The following PLD5 variants were observed in gnomAD, a reference collection of about 807,000 sequenced individuals.
PLD5 encodes inactive phospholipase D5.
In PLD5, 36 loss-of-function variants were observed where a neutral mutation model predicts 61.1. That is an observed-to-expected ratio of 0.59 (90% confidence interval 0.45 to 0.78). The LOEUF is 0.78. Among genes scored for constraint, PLD5 ranks in the 30% least tolerant of loss-of-function variants. The pLI is 0.00. For synonymous variants in PLD5, 243 were observed against 242.8 expected (o/e 1.00, Z -0.01); for missense variants, 515 against 644.4 (o/e 0.80, Z 2.17).
chr1:242,272,252 A>C (rs1674134063), intron 3 of PLD5, among the ~76,000 whole-genome samples: 2 of 152,130 alleles, frequency 1.3e-5, no homozygotes. Context: ...CATGGCAACT[A>C]AATATATAAA....
intron 5 of PLD5, among the ~76,000 whole-genome samples, chr1:242,163,579 T>C (rs1406428009): frequency 2.0e-5 from 3 of 152,164 alleles, no homozygotes; most frequent in Admixed American, 6.5e-5. Flanking sequence ...AATCATCATG[T>C]CAGAAAATAA....
chr1:242,231,238 C>T (rs987708962), intron 4 of PLD5, among the ~76,000 whole-genome samples: 1 of 152,050 alleles, frequency 6.6e-6, no homozygotes, highest in Non-Finnish European at 1.5e-5. Context: ...CTCCCTCTTC[C>T]TCCTCCCTGT....
intron 3 of PLD5, among the ~76,000 whole-genome samples, chr1:242,279,483 TATTGGGAGAGAAA>T (rs1674596031): frequency 6.6e-6 from 1 of 152,042 alleles, no homozygotes; most frequent in African/African-American, 2.4e-5. Flanking sequence ...AAAACCACCA[TATTGGGAGAGAAA>T]AGTGGGAGTC....
chr1:242,391,263 G>A (rs1342801100), intron 1 of PLD5, among the ~76,000 whole-genome samples: 1 of 152,192 alleles, frequency 6.6e-6, no homozygotes, highest in African/African-American at 2.4e-5. Context: ...AAAAGCTATG[G>A]AGGAGGGTCT....
At chr1:242,112,327 G>GA (rs1558232989) in intron 7 of PLD5, among the ~76,000 whole-genome samples, 8 of 66,004 alleles carry the variant, frequency 1.2e-4, no homozygotes, top group African/African-American at 5.0e-4. Flanking sequence ...GTGTGTGTAT[G>GA]TATGTATATG....
intron 1 of PLD5, among the ~76,000 whole-genome samples, chr1:242,357,249 T>C (rs892342474): frequency 6.6e-6 from 1 of 151,502 alleles, no homozygotes; most frequent in African/African-American, 2.4e-5. Flanking sequence ...ACTTTGAAAA[T>C]ACTATCCCAC....
At chr1:242,272,972 A>T (rs1004675613) in intron 3 of PLD5, among the ~76,000 whole-genome samples, 22 of 152,012 alleles carry the variant, frequency 1.4e-4, no homozygotes, top group Non-Finnish European at 2.5e-4. Flanking sequence ...GGTTTGTTAC[A>T]TAGGTATACA....
At chr1:242,419,571 C>CCTTTTT (rs1558550692) in intron 1 of PLD5, among the ~76,000 whole-genome samples, 1 of 39,384 alleles carries the variant, frequency 2.5e-5, no homozygotes, top group Non-Finnish European at 4.2e-5. Context: ...AAATTTTTTG[C>CCTTTTT]ATTTTTTTTT....
At chr1:242,168,388 G>C (rs1249905192) in intron 5 of PLD5, among the ~76,000 whole-genome samples, 1 of 152,180 alleles carries the variant, frequency 6.6e-6, no homozygotes, top group Non-Finnish European at 1.5e-5. Flanking sequence ...GCAGTGGTGA[G>C]ATGACAAAAA....
rs368700256 is a variant in PLD5, at chr1:242,084,297, GTTT to G, written c.*5554_*5556del. Reference sequence around the variant, plus strand: ...GCCTTTGCTAACCTCTCCAATGATAGTTTTTTTTTTAAAAGTATGCCTCTCAGA... The same window carrying G: ...GCCTTTGCTAACCTCTCCAATGATAGTTTTTTTAAAAGTATGCCTCTCAGA... On this transcript the variant is annotated 3_prime_UTR_variant, in exon 10 of 10. Transcript: ENST00000536534. 16 of 149,930 alleles carry G rather than the reference GTTT, an allele frequency of 1.1e-4. No individual in the cohort carries two copies. In the East Asian group the frequency reaches 3.1e-3, roughly 29 times the overall value. 9.3% of individuals were successfully genotyped at this position (149,930 alleles called of 1,614,324 possible).
chr1:242,141,466 T>G (rs766787409), intron 5 of PLD5, among the ~76,000 whole-genome samples: 1 of 152,194 alleles, frequency 6.6e-6, no homozygotes, highest in Non-Finnish European at 1.5e-5. Flanking sequence ...CATTGAATAC[T>G]TTGAAAAGTC....
At chr1:242,408,118 T>C (rs1664347001) in intron 1 of PLD5, among the ~76,000 whole-genome samples, 1 of 152,176 alleles carries the variant, frequency 6.6e-6, no homozygotes. Flanking sequence ...TATGAATGTA[T>C]TTAAAAGCAT....
At position 242,113,060 on chromosome 1, in the gene PLD5, T is replaced by G. The variant is rs186472556; in HGVS notation, c.1070+830A>C. Among the ~76,000 whole-genome samples the G allele has an allele frequency of 5.7e-4, 86 of 150,620 alleles. No homozygotes were observed. In the East Asian group the frequency reaches 0.013, roughly 23 times the overall value. ...GATGGATTGACTGAGAACATAGATA[T>G]TTGAAGTTTCTTTCTCTCTCTCTCT... On this transcript the variant is annotated intron_variant, in intron 7 of 9. Transcript: ENST00000536534.
chr1:242,486,610 C>G (rs1231763225), intron 1 of PLD5, among the ~76,000 whole-genome samples: 10 of 152,070 alleles, frequency 6.6e-5, no homozygotes, highest in Non-Finnish European at 1.0e-4. Flanking sequence ...TACACTGTTG[C>G]TGAGACTGTA....
chr1:242,217,694 A>G (rs899526758), intron 5 of PLD5, among the ~76,000 whole-genome samples: 1 of 152,210 alleles, frequency 6.6e-6, no homozygotes, highest in African/African-American at 2.4e-5. Flanking sequence ...TGGAAGGAGT[A>G]GATTCTAACC....
intron 1 of PLD5, among the ~76,000 whole-genome samples, chr1:242,441,686 C>G (rs960875862): frequency 6.6e-6 from 1 of 152,030 alleles, no homozygotes; most frequent in East Asian, 1.9e-4. Flanking sequence ...GAAAAGGAGT[C>G]AGACAGACAC....
chr1:242,456,996 G>C (rs770616801), intron 1 of PLD5, among the ~76,000 whole-genome samples: 4 of 152,192 alleles, frequency 2.6e-5, no homozygotes, highest in African/African-American at 4.8e-5. Flanking sequence ...AAGCTGCCGA[G>C]AACACTCTCG....
chr1:242,245,177 G>A (rs1188306684), intron 4 of PLD5, among the ~76,000 whole-genome samples: 1 of 152,118 alleles, frequency 6.6e-6, no homozygotes, highest in East Asian at 1.9e-4. Flanking sequence ...GAAAAAAAAG[G>A]AGCCTTTTAG....
chr1:242,215,355 A>G (rs888918257), intron 5 of PLD5, among the ~76,000 whole-genome samples: 1 of 152,104 alleles, frequency 6.6e-6, no homozygotes, highest in Admixed American at 6.5e-5. Flanking sequence ...ATAGTAAAAC[A>G]TGCCCGTTCA....
Sources: gnomAD v4.1 joint callset for allele counts (sites outside exome capture counted in the v4.1 genomes callset) on GRCh38, gnomAD v4.1.1 for gene constraint, MANE v1.5 for transcripts, NCBI Gene and HGNC (gene_info 2026-07-23, HGNC 2026-07-21) for gene names.